Variants in CACNB2 observed in about 807,000 individuals in gnomAD.
CACNB2 encodes voltage-dependent L-type calcium channel subunit beta-2.
Under a neutral mutation model 73.3 loss-of-function variants are expected in CACNB2, and 42 were observed. The ratio of observed to expected loss-of-function variants is 0.57; its 90% CI spans 0.45 to 0.74. The LOEUF is 0.74. Ranked by LOEUF, CACNB2 falls within the 30% of genes least tolerant of loss-of-function variation. CACNB2 has a pLI of 0.00. For missense variants in CACNB2, 940 were observed against 853.0 expected, an observed-to-expected ratio of 1.10 and a Z score of -1.27; for synonymous variants, 348 against 310.3, an observed-to-expected ratio of 1.12 and a Z score of -1.28.
At chr10:18,503,268 C>T (rs75903178) in intron 5 of CACNB2, among the ~76,000 whole-genome samples, 1 of 152,036 alleles carries the variant, frequency 6.6e-6, no homozygotes, top group African/African-American at 2.4e-5. Context: ...GTTTTCCTAC[C>T]CTCTGTATTG....
chr10:18,392,702 G>T (rs1464518103), intron 2 of CACNB2, among the ~76,000 whole-genome samples: 1 of 152,058 alleles, frequency 6.6e-6, no homozygotes, highest in East Asian at 1.9e-4. Flanking sequence ...GCAGTTTCTG[G>T]AGTACCTGTA....
At chr10:18,205,358 G>A (rs774278964) in intron 2 of CACNB2, among the ~76,000 whole-genome samples, 41 of 152,136 alleles carry the variant, frequency 2.7e-4, no homozygotes, top group African/African-American at 8.9e-4. Flanking sequence ...AGTACTAAGC[G>A]CAGCAATTAG....
intron 3 of CACNB2, among the ~76,000 whole-genome samples, chr10:18,438,154 A>C (rs1222085690): frequency 6.9e-6 from 1 of 144,500 alleles, no homozygotes; most frequent in Non-Finnish European, 1.5e-5. Context: ...AGTAGCTGGG[A>C]CTACAGCCGC....
chr10:18,207,174 A>C (rs978748307), intron 2 of CACNB2, among the ~76,000 whole-genome samples: 1 of 152,014 alleles, frequency 6.6e-6, no homozygotes, highest in African/African-American at 2.4e-5. Flanking sequence ...ACACCTGACT[A>C]ATTTTTGTAG....
intron 7 of CACNB2, chr10:18,515,120 C>G: frequency 8.5e-7 from 1 of 1,175,830 alleles, no homozygotes; most frequent in Non-Finnish European, 1.3e-6. Flanking sequence ...TACCATCTCA[C>G]CCTTTGGACA....
rs1441375454 is a variant in CACNB2, at chr10:18,518,359, T to A, written c.828T>A (p.Asp276Glu). The A allele has an allele frequency of 6.2e-7, 1 of 1,613,552 alleles. No homozygotes were observed. ...AGACAGAGCACACTCCTCCGTATGA[T>A]GTGGTACCTTCCATGCGACCAGTGG... ...FKKTEHTPPY[D>E]VVPSMRPVVL... The change falls in exon 8 of 14, where the codon GAT becomes GAA. Residue 276 changes from aspartate to glutamate, a missense_variant. Coordinates refer to ENST00000324631, the MANE Select transcript of CACNB2 (RefSeq NM_201596.3).
intron 2 of CACNB2, among the ~76,000 whole-genome samples, chr10:18,163,887 G>A (rs1158651116): frequency 1.3e-5 from 2 of 152,150 alleles, no homozygotes; most frequent in East Asian, 1.9e-4. Context: ...ATCTACTGTG[G>A]CACGTGGAGA....
At chr10:18,352,678 T>G (rs1300849824) in intron 2 of CACNB2, among the ~76,000 whole-genome samples, 2 of 152,218 alleles carry the variant, frequency 1.3e-5, no homozygotes, top group African/African-American at 4.8e-5. Context: ...TAGGTTTCGT[T>G]GCAAAAATGT....
At chr10:18,171,457 C>T (rs772231450) in intron 2 of CACNB2, among the ~76,000 whole-genome samples, 1 of 142,748 alleles carries the variant, frequency 7.0e-6, no homozygotes, top group Non-Finnish European at 1.5e-5. Context: ...ACCAGATTTC[C>T]CCATGCAGGC....
At chr10:18,419,710 C>T (rs111550800) in intron 3 of CACNB2, among the ~76,000 whole-genome samples, 1,928 of 152,232 alleles carry the variant, frequency 0.013, 16 homozygotes, top group Non-Finnish European at 0.017. Flanking sequence ...TTAGCAACTG[C>T]TGTATTACAG....
intron 2 of CACNB2, among the ~76,000 whole-genome samples, chr10:18,335,784 A>AACAC (rs10545839): frequency 0.088 from 12,719 of 143,880 alleles, 559 homozygotes; most frequent in East Asian, 0.16. Context: ...ACAGCAAGAA[A>AACAC]ACACACACAC....
At chr10:18,536,050 C>G (rs1472062512) in intron 11 of CACNB2, 51 bp from the exon 12 acceptor site, 11 of 1,114,460 alleles carry the variant, frequency 9.9e-6, no homozygotes, top group African/African-American at 3.1e-5. Flanking sequence ...GTACCTTGTA[C>G]TTTACCTGGA....
chr10:18,182,871 C>T (rs1191699201), intron 2 of CACNB2, among the ~76,000 whole-genome samples: 2 of 151,480 alleles, frequency 1.3e-5, no homozygotes, highest in African/African-American at 4.9e-5. Context: ...GAAGCGTTAA[C>T]ATTATTAATA....
intron 2 of CACNB2, among the ~76,000 whole-genome samples, chr10:18,376,882 C>T (rs1326180889): frequency 6.6e-6 from 1 of 152,100 alleles, no homozygotes; most frequent in Non-Finnish European, 1.5e-5. Flanking sequence ...GGCTGATGCC[C>T]TTTGGATTTA....
chr10:18,512,005 C>G (rs930014129), intron 6 of CACNB2, among the ~76,000 whole-genome samples: 1 of 152,178 alleles, frequency 6.6e-6, no homozygotes, highest in African/African-American at 2.4e-5. Context: ...TTATTTCCAT[C>G]TCTGACTCTG....
chr10:18,200,076 A>G (rs1157789753), intron 2 of CACNB2, among the ~76,000 whole-genome samples: 2 of 151,994 alleles, frequency 1.3e-5, no homozygotes, highest in African/African-American at 2.4e-5. Context: ...TTTTGTTTTT[A>G]AAAATCAAAC....
intron 2 of CACNB2, among the ~76,000 whole-genome samples, chr10:18,257,804 C>T (rs368018429): frequency 2.5e-4 from 38 of 152,306 alleles, no homozygotes; most frequent in African/African-American, 8.4e-4. Flanking sequence ...AGTGCAGTGG[C>T]ATGATCTCGG....
At position 18,540,517 on chromosome 10, in the gene CACNB2, G is replaced by A. The variant is rs548361678; in HGVS notation, c.*793G>A. 6.6e-6 allele frequency: 1 copy of A among 152,622 alleles called. No homozygotes were observed. Among genetic ancestry groups the A allele is most frequent in the Admixed American group, 6.5e-5 (1 of 15,298 alleles). 9.5% of individuals were successfully genotyped at this position (152,622 alleles called of 1,614,324 possible). A position where few individuals can be genotyped will look rare whatever the true frequency, so the allele number is the denominator to read the frequency against. ...ATACTGTAAATATGTGTGATTGCTTGACTTGAAAAGGTTTGAATTCTGAAT... is the reference window on the plus strand; with the variant it reads ...ATACTGTAAATATGTGTGATTGCTTAACTTGAAAAGGTTTGAATTCTGAAT... On this transcript the variant is annotated 3_prime_UTR_variant, in exon 14 of 14. Coordinates refer to ENST00000324631, the MANE Select transcript of CACNB2 (RefSeq NM_201596.3).
intron 2 of CACNB2, among the ~76,000 whole-genome samples, chr10:18,194,088 T>G (rs1482477489): frequency 2.0e-5 from 3 of 151,978 alleles, no homozygotes; most frequent in Non-Finnish European, 4.4e-5. Context: ...GTATGAAGGA[T>G]TCTCTCAATC....
Sources: allele counts gnomAD v4.1 joint callset (sites outside exome capture counted in the v4.1 genomes callset), GRCh38; gene constraint gnomAD v4.1.1; transcripts MANE v1.5; gene names NCBI Gene and HGNC (gene_info 2026-07-23, HGNC 2026-07-21).